The following F2RL1 variants were observed in gnomAD, a reference collection of about 807,000 sequenced individuals.
F2RL1 encodes proteinase-activated receptor 2.
A neutral mutation model predicts 21.7 loss-of-function variants in F2RL1; 16 were observed. The observed-to-expected ratio is 0.74, with a 90% CI of 0.50 to 1.12. The LOEUF (loss-of-function observed/expected upper bound fraction) is 1.12. Among genes scored for constraint, F2RL1 ranks in the 50% most tolerant of loss-of-function variants. The pLI, the probability that F2RL1 is intolerant of heterozygous loss-of-function variation, is 0.00. For missense variants in F2RL1, 432 were observed against 477.8 expected (o/e 0.90, Z 0.89); for synonymous variants, 181 against 186.7 (o/e 0.97, Z 0.25).
At position 76,829,456 on chromosome 5, in the gene F2RL1, G is replaced by A. The variant is rs1393123834; in HGVS notation, c.83-3234G>A. Among the ~76,000 whole-genome samples the A allele has an allele frequency of 2.0e-5, 3 of 152,068 alleles. No individual in the cohort carries two copies. In the East Asian group the frequency reaches 5.8e-4, roughly 29 times the overall value. On this transcript the variant is annotated intron_variant, in intron 1 of 1. Transcript: ENST00000296677. Reference sequence around the variant, plus strand: ...TTGTAAAAAACAGGTCCTTTATCCTGTAGCAGTTCCCAGAGTCTCAATTTT... The same window carrying A: ...TTGTAAAAAACAGGTCCTTTATCCTATAGCAGTTCCCAGAGTCTCAATTTT...
Position 76,832,796 on chromosome 5 carries a change from G to C in F2RL1, c.189G>C (p.Glu63Asp), listed in dbSNP as rs754704702. The C allele has an allele frequency of 6.2e-7, 1 of 1,614,224 alleles. No individual in the cohort carries two copies. Among genetic ancestry groups the C allele is most frequent in the East Asian group, 2.2e-5 (1 of 44,892 alleles). The change falls in exon 2 of 2, where the codon GAG becomes GAC. Residue 63 changes from glutamate (E) to aspartate (D), a missense_variant. Transcript: ENST00000296677. Reference sequence around the variant, plus strand: ...TTGAAACAGTCTTTTCTGTGGATGAGTTTTCTGCATCTGTCCTCACTGGAA... The same window carrying C: ...TTGAAACAGTCTTTTCTGTGGATGACTTTTCTGCATCTGTCCTCACTGGAA... ...VTVETVFSVD[E>D]FSASVLTGKL...
chr5:76,823,813 CTTTTT>C (rs5868840), intron 1 of F2RL1, among the ~76,000 whole-genome samples: 8 of 127,232 alleles, frequency 6.3e-5, no homozygotes, highest in Non-Finnish European at 9.6e-5. Context: ...TCTGTACAAA[CTTTTT>C]TTTTTTTTTT....
chr5:76,832,868 G>A lies in F2RL1; in HGVS notation c.261G>A (p.Val87=). The part of the protein sequence containing the change: ...FLPIVYTIVF[V]VGLPSNGMAL... The stretch of plus-strand genomic sequence containing the variant: ...CAATTGTCTACACAATTGTGTTTGT[G>A]GTGGGTTTGCCAAGTAACGGCATGG... The change falls in exon 2 of 2, where the codon GTG becomes GTA. Residue 87 remains valine, a synonymous_variant. Coordinates refer to ENST00000296677, the MANE Select transcript of F2RL1 (RefSeq NM_005242.6). 1 of 1,614,200 alleles carries A rather than the reference G, an allele frequency of 6.2e-7. No individual in the cohort carries two copies. Among genetic ancestry groups the A allele is most frequent in the Non-Finnish European group, 8.5e-7 (1 of 1,180,048 alleles).
intron 1 of F2RL1, among the ~76,000 whole-genome samples, chr5:76,826,550 G>T (rs1392031375): frequency 3.4e-5 from 5 of 149,016 alleles, no homozygotes; most frequent in African/African-American, 1.2e-4. Flanking sequence ...GTCTTGCTCT[G>T]TCACCCAGGC....
intron 1 of F2RL1, among the ~76,000 whole-genome samples, chr5:76,830,220 T>C (rs908092731): frequency 2.0e-5 from 3 of 152,320 alleles, no homozygotes; most frequent in African/African-American, 7.2e-5. Context: ...TCCATTCTCA[T>C]GTCACTCACT....
intron 1 of F2RL1, among the ~76,000 whole-genome samples, chr5:76,826,840 G>A (rs938359199): frequency 1.4e-4 from 21 of 151,416 alleles, no homozygotes; most frequent in African/African-American, 5.1e-4. Flanking sequence ...CTTTTCAATT[G>A]TTGATGGACA....
chr5:76,830,190 A>T (rs1750326068), intron 1 of F2RL1, among the ~76,000 whole-genome samples: 1 of 152,134 alleles, frequency 6.6e-6, no homozygotes, highest in Admixed American at 6.5e-5. Context: ...CTGTTCCTTG[A>T]TGTGACTCCA....
chr5:76,824,170 C>CT lies in F2RL1; in HGVS notation c.82+4916dup, dbSNP rs1554033482. Among the ~76,000 whole-genome samples, 523 of 90,608 alleles carry CT rather than the reference C, an allele frequency of 5.8e-3. 15 individuals are homozygous for CT. The highest frequency in any genetic ancestry group is 0.018 in the African/African-American group (481 of 27,464). 59.4% of individuals were successfully genotyped at this position (90,608 alleles called of 152,430 possible). A position where few individuals can be genotyped will look rare whatever the true frequency, so the allele number is the denominator to read the frequency against. ...GTCCTCCCCACCACACCCCCCCCCC[C>CT]TTTTTTTTTTAAAGAGACTGGGTCT... On this transcript the variant is annotated intron_variant, in intron 1 of 1. Coordinates refer to ENST00000296677, the MANE Select transcript of F2RL1 (RefSeq NM_005242.6).
At position 76,833,778 on chromosome 5, in the gene F2RL1, A is replaced by G. The variant is rs1750404749; in HGVS notation, c.1171A>G (p.Thr391Ala). 1 of 1,613,912 alleles carries G rather than the reference A, an allele frequency of 6.2e-7. No individual in the cohort carries two copies. Among genetic ancestry groups the G allele is most frequent in the Non-Finnish European group, 8.5e-7 (1 of 1,179,978 alleles). Residue 391 changes from threonine to alanine, a missense_variant, in exon 2 of 2, where the codon ACC (threonine) becomes GCC (alanine). Transcript: ENST00000296677. ...ATCCAGCTCTTACTCTTCAAGTTCAACCACTGTTAAGACCTCCTATTGAGT... is the reference window on the plus strand; with the variant it reads ...ATCCAGCTCTTACTCTTCAAGTTCAGCCACTGTTAAGACCTCCTATTGAGT... The part of the protein sequence containing the change: ...RKSSSYSSSS[T>A]TVKTSY
rs1272729871 is a variant in F2RL1 at position 76,832,682 on chromosome 5, T to A, written c.83-8T>A. ...CTGTAATGACCCTTGTCTTCCTTTCTTGTACAGGAACCAGTAGATCCTCTA... is the reference window on the plus strand; with the variant it reads ...CTGTAATGACCCTTGTCTTCCTTTCATGTACAGGAACCAGTAGATCCTCTA... On this transcript the variant is annotated splice_polypyrimidine_tract_variant and splice_region_variant and intron_variant, in intron 1 of 1. Coordinates refer to ENST00000296677, the MANE Select transcript of F2RL1 (RefSeq NM_005242.6). 1 of 1,583,814 alleles carries A rather than the reference T, an allele frequency of 6.3e-7. No homozygotes were observed. The highest frequency in any genetic ancestry group is 8.6e-7 in the Non-Finnish European group (1 of 1,164,036).
intron 1 of F2RL1, among the ~76,000 whole-genome samples, chr5:76,831,650 C>T (rs1303496349): frequency 1.3e-5 from 2 of 151,702 alleles, no homozygotes; most frequent in East Asian, 1.9e-4. Flanking sequence ...TCTTCTGCCT[C>T]AGCCTCCCAA....
chr5:76,830,339 G>A (rs902355463), intron 1 of F2RL1, among the ~76,000 whole-genome samples: 13 of 152,134 alleles, frequency 8.5e-5, no homozygotes, highest in African/African-American at 3.1e-4. Flanking sequence ...GTGCAGTGGC[G>A]CAATCTTGGC....
intron 1 of F2RL1, among the ~76,000 whole-genome samples, chr5:76,824,344 G>A (rs1013002621): frequency 5.5e-5 from 8 of 146,404 alleles, no homozygotes; most frequent in Non-Finnish European, 1.0e-4. Context: ...GCCCATCCCC[G>A]AACCCCAGAT....
chr5:76,831,769 C>A (rs1256062733), intron 1 of F2RL1, among the ~76,000 whole-genome samples: 4 of 152,156 alleles, frequency 2.6e-5, no homozygotes, highest in Admixed American at 2.6e-4. Flanking sequence ...CTCAGGTGAT[C>A]CACCTGCCTT....
chr5:76,820,803 G>A (rs938598859), intron 1 of F2RL1, among the ~76,000 whole-genome samples: 3 of 152,068 alleles, frequency 2.0e-5, no homozygotes, highest in Non-Finnish European at 1.5e-5. Context: ...GGAAAAATCA[G>A]GTTACTTGTT....
chr5:76,822,149 C>T (rs1750147733), intron 1 of F2RL1, among the ~76,000 whole-genome samples: 1 of 152,102 alleles, frequency 6.6e-6, no homozygotes, highest in Non-Finnish European at 1.5e-5. Flanking sequence ...TTTTTAATGA[C>T]TCCAAAATGT....
intron 1 of F2RL1, among the ~76,000 whole-genome samples, chr5:76,830,389 T>C (rs184784280): frequency 6.6e-6 from 1 of 152,334 alleles, no homozygotes; most frequent in African/African-American, 2.4e-5. Context: ...GCAATTCTCC[T>C]GCCTCAGCCT....
At chr5:76,824,997 C>T (rs1750212356) in intron 1 of F2RL1, among the ~76,000 whole-genome samples, 1 of 149,086 alleles carries the variant, frequency 6.7e-6, no homozygotes, top group South Asian at 2.1e-4. Context: ...GCAAATTGTA[C>T]ATTATAATTT....
At chr5:76,827,496 CA>C (rs1371545677) in intron 1 of F2RL1, among the ~76,000 whole-genome samples, 2 of 128,806 alleles carry the variant, frequency 1.6e-5, no homozygotes, top group South Asian at 2.6e-4. Context: ...GACTCCGTCT[CA>C]AAAAAAAAAC....
Sources: allele counts gnomAD v4.1 joint callset (sites outside exome capture counted in the v4.1 genomes callset), GRCh38; gene constraint gnomAD v4.1.1; transcripts MANE v1.5; gene names NCBI Gene and HGNC (gene_info 2026-07-23, HGNC 2026-07-21).